Variants in ZNF146 observed in about 807,000 individuals in gnomAD.
ZNF146 encodes zinc finger protein OZF.
ZNF146 carries 9 observed loss-of-function variants against 22.2 expected under a neutral mutation model. The observed-to-expected ratio is 0.41, with a 90% CI of 0.24 to 0.71. ZNF146 has a LOEUF of 0.71. Among genes scored for constraint, ZNF146 ranks in the 30% least tolerant of loss-of-function variants. The pLI is 0.34. For synonymous variants in ZNF146, 108 were observed against 119.2 expected, an observed-to-expected ratio of 0.91 and a Z score of 0.61; for missense variants, 194 against 344.8, an observed-to-expected ratio of 0.56 and a Z score of 3.46.
chr19:36,223,866 A>G (rs572297721), intron 2 of ZNF146, among the ~76,000 whole-genome samples: 9 of 152,024 alleles, frequency 5.9e-5, no homozygotes, highest in Admixed American at 2.6e-4. Context: ...AAAAAATTGT[A>G]GAGATAAGAT....
At chr19:36,234,534 C>G (rs1977560648) in intron 3 of ZNF146, among the ~76,000 whole-genome samples, 1 of 152,268 alleles carries the variant, frequency 6.6e-6, no homozygotes, top group Admixed American at 6.5e-5. Context: ...TCAAGCTTTG[C>G]ATCTGGTTGC....
At chr19:36,221,490 A>G (rs996559341) in intron 2 of ZNF146, among the ~76,000 whole-genome samples, 2 of 151,822 alleles carry the variant, frequency 1.3e-5, no homozygotes, top group African/African-American at 2.4e-5. Flanking sequence ...AGGTTTCACC[A>G]TGTTAGCCAG....
In ZNF146 at chr19:36,217,055, C is replaced by CTTTTTTTTT. The variant is rs752632008; in HGVS notation, c.-928-1050_-928-1042dup. On this transcript the variant is annotated intron_variant, in intron 1 of 3. Transcript: ENST00000443387. ...AGCTTGGTGGACAGCCAGTCCCTGT[C>CTTTTTTTTT]TTTTTTTTTTTTTTTTTTTTTTTTT... Among the ~76,000 whole-genome samples, 100 of 65,876 alleles carry CTTTTTTTTT rather than the reference C, an allele frequency of 1.5e-3. 7 individuals carry two copies. Among genetic ancestry groups the CTTTTTTTTT allele is most frequent in the South Asian group, 4.1e-3 (5 of 1,228 alleles). 43.2% of individuals were successfully genotyped at this position (65,876 alleles called of 152,430 possible).
At chr19:36,225,360 G>T (rs1349930764) in intron 2 of ZNF146, among the ~76,000 whole-genome samples, 1 of 152,096 alleles carries the variant, frequency 6.6e-6, no homozygotes, top group South Asian at 2.1e-4. Context: ...GTTTTCTGTC[G>T]ATTCCCTTCT....
At chr19:36,230,306 T>C (rs888678338) in intron 3 of ZNF146, among the ~76,000 whole-genome samples, 14 of 152,222 alleles carry the variant, frequency 9.2e-5, no homozygotes, top group South Asian at 4.1e-4. Context: ...TTAGGTACTA[T>C]TTCAGATGCT....
At chr19:36,221,731 G>T (rs1976848035) in intron 2 of ZNF146, among the ~76,000 whole-genome samples, 1 of 151,652 alleles carries the variant, frequency 6.6e-6, no homozygotes, top group Non-Finnish European at 1.5e-5. Context: ...ATGTAAACAT[G>T]TCTTGTTTTT....
At chr19:36,218,824 G>A (rs181967489) in intron 2 of ZNF146, among the ~76,000 whole-genome samples, 1 of 140,812 alleles carries the variant, frequency 7.1e-6, no homozygotes, top group East Asian at 2.2e-4. Context: ...TTTGGTGGAG[G>A]GGGGGACAGA....
At chr19:36,223,529 A>C (rs1976946303) in intron 2 of ZNF146, among the ~76,000 whole-genome samples, 1 of 151,468 alleles carries the variant, frequency 6.6e-6, no homozygotes, top group East Asian at 2.0e-4. Context: ...CGCCTGGTTA[A>C]TTTTTTCGTA....
intron 3 of ZNF146, among the ~76,000 whole-genome samples, chr19:36,233,847 C>T (rs1051111269): frequency 2.6e-5 from 4 of 152,192 alleles, no homozygotes; most frequent in African/African-American, 7.2e-5. Context: ...AGACAGATGC[C>T]TTCCTCTTAT....
chr19:36,224,474 G>A (rs1286704756), intron 2 of ZNF146, among the ~76,000 whole-genome samples: 1 of 152,106 alleles, frequency 6.6e-6, no homozygotes, highest in Admixed American at 6.6e-5. Context: ...TCTGTTTCTG[G>A]GTGTGAGCAG....
At position 36,236,848 on chromosome 19, in the gene ZNF146, C is replaced by T; in HGVS notation, c.408C>T (p.Thr136=). The T allele has an allele frequency of 6.2e-7, 1 of 1,614,068 alleles. No individual in the cohort carries two copies. Among genetic ancestry groups the T allele is most frequent in the South Asian group, 1.1e-5 (1 of 91,062 alleles). The stretch of plus-strand genomic sequence containing the variant: ...TTGTATGTAAGGAGTGTGGAAAAAC[C>T]TTCAGTGGCAAATCCAACCTTACTG... ...KPFVCKECGK[T]FSGKSNLTEH... Residue 136 remains threonine, a synonymous_variant, in exon 4 of 4, where the codon ACC becomes ACT. Coordinates refer to ENST00000443387, the MANE Select transcript of ZNF146 (RefSeq NM_007145.3).
chr19:36,224,910 G>A (rs1347776077), intron 2 of ZNF146, among the ~76,000 whole-genome samples: 1 of 152,098 alleles, frequency 6.6e-6, no homozygotes, highest in Non-Finnish European at 1.5e-5. Context: ...ATGTTGCTAT[G>A]AATGGAGTCA....
intron 1 of ZNF146, among the ~76,000 whole-genome samples, chr19:36,215,554 C>G (rs1433208801): frequency 6.6e-6 from 1 of 151,928 alleles, no homozygotes; most frequent in Non-Finnish European, 1.5e-5. Context: ...GTCTTTTTTA[C>G]TTGAAAATTG....
intron 2 of ZNF146, among the ~76,000 whole-genome samples, chr19:36,225,013 G>A (rs1216344942): frequency 6.6e-6 from 1 of 152,194 alleles, no homozygotes; most frequent in Non-Finnish European, 1.5e-5. Context: ...AATTGAGGCA[G>A]TAGGCATCCT....
rs759953248 is a variant in ZNF146, at chr19:36,237,587, C to A, written c.*268C>A. ...TAAAAGTGGGAACAGAAAATGGAGGCCTGTTTTTTATTGCTACCACCATAG... is the reference window on the plus strand; with the variant it reads ...TAAAAGTGGGAACAGAAAATGGAGGACTGTTTTTTATTGCTACCACCATAG... On this transcript the variant is annotated 3_prime_UTR_variant, in exon 4 of 4. Coordinates refer to ENST00000443387, the MANE Select transcript of ZNF146 (RefSeq NM_007145.3). 1 of 293,756 alleles carries A rather than the reference C, an allele frequency of 3.4e-6. No homozygotes were observed. Among genetic ancestry groups the A allele is most frequent in the Non-Finnish European group, 6.7e-6 (1 of 150,296 alleles). The allele number at this position is 293,756 out of a possible 1,614,324, so 18.2% of individuals were successfully genotyped here. A position where few individuals can be genotyped will look rare whatever the true frequency, so the allele number is the denominator to read the frequency against.
intron 1 of ZNF146, among the ~76,000 whole-genome samples, chr19:36,217,756 T>A (rs1384682807): frequency 2.0e-5 from 3 of 151,892 alleles, no homozygotes; most frequent in Non-Finnish European, 4.4e-5. Context: ...TGGCGGCACA[T>A]GCCTGTTAAT....
chr19:36,229,032 T>C (rs545491466), intron 3 of ZNF146, among the ~76,000 whole-genome samples: 45 of 152,380 alleles, frequency 3.0e-4, no homozygotes, highest in African/African-American at 1.1e-3. Context: ...GCCCCTCCTG[T>C]TGCTGTTCTG....
intron 3 of ZNF146, among the ~76,000 whole-genome samples, chr19:36,234,545 T>C (rs1381454043): frequency 1.3e-5 from 2 of 152,174 alleles, no homozygotes; most frequent in South Asian, 2.1e-4. Flanking sequence ...ATCTGGTTGC[T>C]CGCCACCACG....
At position 36,236,428 on chromosome 19, in the gene ZNF146, A is replaced by G. The variant is rs754217350; in HGVS notation, c.-13A>G. The G allele has an allele frequency of 1.3e-6, 2 of 1,571,852 alleles. No homozygotes were observed. The highest frequency in any genetic ancestry group is 2.4e-5 in the South Asian group (2 of 84,516). ...GAGAGAAACCTTGTGAATGTGGGAAAGCTTCCATTCAGATGTCACACCTCA... is the reference window on the plus strand; with the variant it reads ...GAGAGAAACCTTGTGAATGTGGGAAGGCTTCCATTCAGATGTCACACCTCA... On this transcript the variant is annotated 5_prime_UTR_variant, in exon 4 of 4. Transcript: ENST00000443387.
Sources: gnomAD v4.1 joint callset for allele counts (sites outside exome capture counted in the v4.1 genomes callset) on GRCh38, gnomAD v4.1.1 for gene constraint, MANE v1.5 for transcripts, NCBI Gene and HGNC (gene_info 2026-07-23, HGNC 2026-07-21) for gene names.